Variants in ZDHHC11 observed in about 807,000 individuals in gnomAD.
ZDHHC11 encodes the protein zDHHC palmitoyltransferase 11.
In ZDHHC11, 44 loss-of-function variants were observed where a neutral mutation model predicts 51.3. The ratio of observed to expected loss-of-function variants is 0.86; its 90% CI spans 0.67 to 1.10. ZDHHC11 has a LOEUF of 1.10. Ranked by LOEUF, ZDHHC11 falls within the 50% of genes least tolerant of loss-of-function variation. ZDHHC11 has a pLI of 0.00. For missense variants in ZDHHC11, 400 were observed against 537.7 expected (o/e 0.74, Z 2.53); for synonymous variants, 163 against 222.0 (o/e 0.73, Z 2.36).
intron 11 of ZDHHC11, among the ~76,000 whole-genome samples, chr5:805,761 G>C (rs1445640708): frequency 6.6e-6 from 1 of 151,146 alleles, no homozygotes; most frequent in Admixed American, 6.6e-5. Context: ...TTGGCGGATT[G>C]GATTTTTAAA....
intron 8 of ZDHHC11, chr5:824,082 G>A: frequency 2.2e-6 from 1 of 455,044 alleles, no homozygotes; most frequent in South Asian, 1.6e-5. Context: ...GGGGAAGTGT[G>A]GTGAGGTGGC....
intron 12 of ZDHHC11, among the ~76,000 whole-genome samples, chr5:796,809 C>T (rs1246438555): frequency 8.5e-5 from 13 of 152,214 alleles, no homozygotes; most frequent in African/African-American, 3.1e-4. Flanking sequence ...TTCCAGAAAG[C>T]TTAGAGATGA....
rs11745132 is a variant in ZDHHC11, at chr5:831,371, G to T, written c.935+2402C>A. On this transcript the variant is annotated intron_variant, in intron 7 of 12. Coordinates refer to ENST00000283441, the MANE Select transcript of ZDHHC11 (RefSeq NM_024786.3). Reference sequence around the variant, plus strand: ...GGCTGGGGCAGGCAGATCACTTGAAGTCAAGAGTTCAAGACCAGCCTGGCT... The same window carrying T: ...GGCTGGGGCAGGCAGATCACTTGAATTCAAGAGTTCAAGACCAGCCTGGCT... Among the ~76,000 whole-genome samples the T allele has an allele frequency of 5.1e-3, 759 of 149,620 alleles. 61 individuals are homozygous for T. Among genetic ancestry groups the T allele is most frequent in the Non-Finnish European group, 8.2e-3 (550 of 67,174 alleles).
chr5:849,874 G>A (rs1746874698), intron 1 of ZDHHC11: 2 of 157,504 alleles, frequency 1.3e-5, no homozygotes, highest in African/African-American at 2.4e-5. Context: ...GGGCCCTCCA[G>A]TCACCCTGCC....
chr5:806,040 G>C (rs1279181977), intron 11 of ZDHHC11, among the ~76,000 whole-genome samples: 1 of 151,334 alleles, frequency 6.6e-6, no homozygotes, highest in Admixed American at 6.6e-5. Context: ...CAGAGGTGTG[G>C]CAGGTGGGAG....
intron 4 of ZDHHC11, chr5:842,154 G>A: frequency 1.0e-6 from 1 of 986,326 alleles, no homozygotes; most frequent in Non-Finnish European, 1.2e-6. Context: ...GGAGACACTG[G>A]CACTGCCCTG....
intron 7 of ZDHHC11, among the ~76,000 whole-genome samples, chr5:832,392 A>T (rs1362299770): frequency 3.8e-5 from 2 of 52,636 alleles, no homozygotes; most frequent in Admixed American, 2.3e-4. Flanking sequence ...AAATCTCAGA[A>T]ATCAACACTA....
Position 820,194 on chromosome 5 carries a change from T to C in ZDHHC11, c.1059-582A>G, listed in dbSNP as rs1394165124. On this transcript the variant is annotated intron_variant, in intron 9 of 12. Coordinates refer to ENST00000283441, the MANE Select transcript of ZDHHC11 (RefSeq NM_024786.3). Reference sequence around the variant, plus strand: ...CCCAAAATGCATCACAGAGAAAGCATTTTTGTATTTTACTTAAAAGACCAT... The same window carrying C: ...CCCAAAATGCATCACAGAGAAAGCACTTTTGTATTTTACTTAAAAGACCAT... 3.3e-5 allele frequency among the ~76,000 whole-genome samples: 5 copies of C among 151,490 alleles called. No individual in the cohort carries two copies. The East Asian group carries it at 9.6e-4, about 29-fold the overall frequency.
At chr5:821,178 C>T (rs552866910) in intron 9 of ZDHHC11, 5 of 151,668 alleles carry the variant, frequency 3.3e-5, no homozygotes, top group African/African-American at 7.2e-5. Context: ...CTGCTCCCCC[C>T]GGGGCAGGAG....
chr5:844,299 G>A (rs1421459669), intron 3 of ZDHHC11, among the ~76,000 whole-genome samples: 5 of 152,406 alleles, frequency 3.3e-5, no homozygotes, highest in South Asian at 2.1e-4. Context: ...TCTTGCAAAC[G>A]TGATTGCCTT....
rs1373210394 is a variant in ZDHHC11, at chr5:796,252, A to AGCTG, written c.*332_*335dup. The AGCTG allele has an allele frequency of 3.3e-4, 51 of 154,710 alleles. 1 individual carries two copies. The highest frequency in any genetic ancestry group is 1.2e-3 in the African/African-American group (50 of 41,464). 9.6% of individuals were successfully genotyped at this position (154,710 alleles called of 1,614,324 possible). A position where few individuals can be genotyped will look rare whatever the true frequency, so the allele number is the denominator to read the frequency against. On this transcript the variant is annotated 3_prime_UTR_variant, in exon 13 of 13. Transcript: ENST00000283441. Reference sequence around the variant, plus strand: ...GCTCTTAAGCAGCAAGAGGCCCTGCAGCTGGCTGGCTGGCTGGACAGCACA... The same window carrying AGCTG: ...GCTCTTAAGCAGCAAGAGGCCCTGCAGCTGGCTGGCTGGCTGGCTGGACAGCACA...
chr5:841,463 C>G, intron 4 of ZDHHC11: 1 of 987,388 alleles, frequency 1.0e-6, no homozygotes, highest in Admixed American at 6.2e-5. Flanking sequence ...ACAGTGCCCA[C>G]CCCTTCCTCA....
intron 11 of ZDHHC11, among the ~76,000 whole-genome samples, chr5:809,019 A>ACACACACACACATG (rs1739728475): frequency 6.7e-6 from 1 of 148,278 alleles, no homozygotes; most frequent in South Asian, 2.1e-4. Context: ...ACACACGCAC[A>ACACACACACACATG]CTATTTATTC....
Position 809,314 on chromosome 5 carries a change from C to G in ZDHHC11, c.1181+5447G>C, listed in dbSNP as rs577259373. 2.5e-4 allele frequency among the ~76,000 whole-genome samples: 36 copies of G among 141,196 alleles called. 2 individuals carry two copies. The South Asian group carries it at 8.1e-3, about 32-fold the overall frequency. 92.6% of individuals were successfully genotyped at this position (141,196 alleles called of 152,430 possible). A position where few individuals can be genotyped will look rare whatever the true frequency, so the allele number is the denominator to read the frequency against. ...CTGTTGGAGCAGCACCCTTCAGGACCCTTCCTGTAGATGGTGAGCCTGTGT... is the reference window on the plus strand; with the variant it reads ...CTGTTGGAGCAGCACCCTTCAGGACGCTTCCTGTAGATGGTGAGCCTGTGT... On this transcript the variant is annotated intron_variant, in intron 11 of 12. Coordinates refer to ENST00000283441, the MANE Select transcript of ZDHHC11 (RefSeq NM_024786.3).
intron 11 of ZDHHC11, among the ~76,000 whole-genome samples, chr5:805,940 T>C (rs397832264): frequency 1.5e-4 from 23 of 149,878 alleles, no homozygotes; most frequent in Non-Finnish European, 2.2e-4. Context: ...AGCTAAGTGT[T>C]CATATATGGA....
At chr5:816,221 A>T (rs1740763906) in intron 10 of ZDHHC11, 2 of 216,888 alleles carry the variant, frequency 9.2e-6, no homozygotes, top group Non-Finnish European at 1.9e-5. Context: ...GGAAATTTTT[A>T]AATGCTTAAA....
At chr5:815,757 C>G (rs1740703418) in intron 10 of ZDHHC11, among the ~76,000 whole-genome samples, 1 of 151,520 alleles carries the variant, frequency 6.6e-6, no homozygotes, top group Non-Finnish European at 1.5e-5. Flanking sequence ...CACATATTCA[C>G]CAACACTTGG....
rs537036367 is a variant in ZDHHC11, at chr5:815,525, T to G, written c.1147-730A>C. Among the ~76,000 whole-genome samples the G allele has an allele frequency of 5.3e-5, 8 of 151,702 alleles. 1 individual carries two copies. The East Asian group carries it at 1.4e-3, about 26-fold the overall frequency. ...ATGAGCAATACATGAGACTTCCAGTTCTCCGATGTCTTCACCAACACTTGG... is the reference window on the plus strand; with the variant it reads ...ATGAGCAATACATGAGACTTCCAGTGCTCCGATGTCTTCACCAACACTTGG... On this transcript the variant is annotated intron_variant, in intron 10 of 12. Coordinates refer to ENST00000283441, the MANE Select transcript of ZDHHC11 (RefSeq NM_024786.3).
chr5:854,242 T>C (rs1427013501), upstream of ZDHHC11, among the ~76,000 whole-genome samples: 1 of 100,912 alleles, frequency 9.9e-6, no homozygotes, highest in African/African-American at 4.0e-5. Flanking sequence ...CCAGAGGACA[T>C]TGAGCAGTGT....
Sources: allele counts gnomAD v4.1 joint callset (sites outside exome capture counted in the v4.1 genomes callset), GRCh38; gene constraint gnomAD v4.1.1; transcripts MANE v1.5; gene names NCBI Gene and HGNC (gene_info 2026-07-23, HGNC 2026-07-21).